Variants in ADGRA1 observed in about 807,000 individuals in gnomAD.
ADGRA1 encodes G-protein coupled receptor 123.
Under a neutral mutation model 21.3 loss-of-function variants are expected in ADGRA1, and 12 were observed. The observed-to-expected ratio is 0.56, with a 90% CI of 0.36 to 0.91. ADGRA1 has a LOEUF of 0.91. ADGRA1 is among the 40% of genes least tolerant of loss of function. The probability of loss-of-function intolerance (pLI) is 0.01; values close to 1 mark genes in which losing one functional copy is unlikely to be tolerated. For synonymous variants in ADGRA1, 385 were observed against 368.8 expected (o/e 1.04, Z -0.50); for missense variants, 790 against 805.6 (o/e 0.98, Z 0.23).
intron 5 of ADGRA1, 35 bp from the exon 6 acceptor site, chr10:133,127,198 G>T (rs771080517): frequency 1.4e-6 from 2 of 1,428,576 alleles, no homozygotes; most frequent in East Asian, 2.6e-5. Flanking sequence ...TGCAGGCGGC[G>T]TCTGCAAGGG....
chr10:133,102,248 C>T (rs773935900), intron 4 of ADGRA1: 4 of 472,748 alleles, frequency 8.5e-6, no homozygotes, highest in South Asian at 6.1e-5. Context: ...ATGCCGTCCC[C>T]GTGGGGGGCT....
intron 5 of ADGRA1, among the ~76,000 whole-genome samples, chr10:133,124,239 C>G (rs912175702): frequency 1.3e-5 from 2 of 151,830 alleles, no homozygotes; most frequent in Admixed American, 1.3e-4. Flanking sequence ...AAGCCACCCT[C>G]TTGGGCTCTG....
At chr10:133,091,030 G>A (rs1851588824) in intron 2 of ADGRA1, among the ~76,000 whole-genome samples, 4 of 152,244 alleles carry the variant, frequency 2.6e-5, no homozygotes, top group Admixed American at 2.6e-4. Context: ...CGTCACCACT[G>A]TTAACGAGCA....
intron 5 of ADGRA1, among the ~76,000 whole-genome samples, chr10:133,110,589 A>C (rs1014634223): frequency 2.6e-5 from 4 of 152,258 alleles, no homozygotes; most frequent in African/African-American, 9.6e-5. Flanking sequence ...ATTTCTAACT[A>C]TATGAGTGAG....
intron 5 of ADGRA1, among the ~76,000 whole-genome samples, chr10:133,103,472 T>G (rs1295822966): frequency 6.6e-6 from 1 of 152,134 alleles, no homozygotes; most frequent in Non-Finnish European, 1.5e-5. Context: ...GATGGGACAC[T>G]CGCCCTCCCC....
At chr10:133,100,902 G>C (rs923700330) in intron 4 of ADGRA1, among the ~76,000 whole-genome samples, 1 of 152,222 alleles carries the variant, frequency 6.6e-6, no homozygotes, top group African/African-American at 2.4e-5. Context: ...GTGACGCCAG[G>C]CTCGGGAAGC....
rs1289931174 is a variant in ADGRA1, at chr10:133,102,822, C to T, written c.381C>T (p.Tyr127=). Residue 127 remains tyrosine, a synonymous_variant, in exon 5 of 7, where the codon TAC becomes TAT. Coordinates refer to ENST00000392607, the MANE Select transcript of ADGRA1 (RefSeq NM_001083909.3). ...PLCLDTDQPP[Y]PRQPLLRFYL... ...GCCTGGACACAGACCAGCCACCGTA[C>T]CCCAGGCAGCCCCTGCTCAGGTACT... 6.2e-7 allele frequency: 1 copy of T among 1,611,532 alleles called. No individual in the cohort carries two copies.
intron 5 of ADGRA1, among the ~76,000 whole-genome samples, chr10:133,114,696 A>T (rs1005331318): frequency 1.3e-5 from 2 of 152,192 alleles, no homozygotes; most frequent in Non-Finnish European, 2.9e-5. Flanking sequence ...TCTCAACCTC[A>T]TTTCTCGGAA....
intron 5 of ADGRA1, among the ~76,000 whole-genome samples, chr10:133,122,694 T>A (rs1387048143): frequency 1.3e-5 from 2 of 152,194 alleles, no homozygotes; most frequent in African/African-American, 4.8e-5. Context: ...GAAACTGTGG[T>A]CACGACCCGC....
At chr10:133,117,919 C>A (rs528390851) in intron 5 of ADGRA1, among the ~76,000 whole-genome samples, 3 of 152,228 alleles carry the variant, frequency 2.0e-5, no homozygotes, top group African/African-American at 7.2e-5. Flanking sequence ...CCTTTGCCCA[C>A]GTGCTGGTCG....
chr10:133,088,877 C>T lies in ADGRA1; in HGVS notation c.-33C>T. On this transcript the variant is annotated 5_prime_UTR_variant, in exon 2 of 7. Coordinates refer to ENST00000392607, the MANE Select transcript of ADGRA1 (RefSeq NM_001083909.3). ...GCCTCCCCCTGGACGCCTCCTCCAG[C>T]GGCGCTCACGCTTCCGCAACTTTGC... 8.1e-7 allele frequency: 1 copy of T among 1,238,636 alleles called. No homozygotes were observed. The highest frequency in any genetic ancestry group is 1.0e-6 in the Non-Finnish European group (1 of 988,466). 76.7% of individuals were successfully genotyped at this position (1,238,636 alleles called of 1,614,324 possible). A position where few individuals can be genotyped will look rare whatever the true frequency, so the allele number is the denominator to read the frequency against.
intron 5 of ADGRA1, among the ~76,000 whole-genome samples, chr10:133,104,774 C>T (rs905954064): frequency 6.6e-6 from 1 of 152,168 alleles, no homozygotes; most frequent in African/African-American, 2.4e-5. Context: ...AGCCTGTGCA[C>T]CCCTGAGGCA....
chr10:133,090,237 C>T (rs1851575432), intron 2 of ADGRA1, among the ~76,000 whole-genome samples: 1 of 152,212 alleles, frequency 6.6e-6, no homozygotes. Flanking sequence ...AAGAAGGGCA[C>T]CACCCCTCGC....
At position 133,102,681 on chromosome 10, in the gene ADGRA1, C is replaced by A. The variant is rs538656795; in HGVS notation, c.256-16C>A. Reference sequence around the variant, plus strand: ...GGTGCCCGCCAAGGGCCTGGCTGACCGCTGCTCCCCCACAGGTGGGCATCG... The same window carrying A: ...GGTGCCCGCCAAGGGCCTGGCTGACAGCTGCTCCCCCACAGGTGGGCATCG... On this transcript the variant is annotated splice_polypyrimidine_tract_variant and intron_variant, in intron 4 of 6. Coordinates refer to ENST00000392607, the MANE Select transcript of ADGRA1 (RefSeq NM_001083909.3). The A allele has an allele frequency of 3.8e-6, 6 of 1,590,558 alleles. No individual in the cohort carries two copies. Among genetic ancestry groups the A allele is most frequent in the Non-Finnish European group, 5.2e-6 (6 of 1,163,596 alleles).
intron 5 of ADGRA1, among the ~76,000 whole-genome samples, chr10:133,110,435 G>C (rs756182127): frequency 8.6e-5 from 13 of 151,568 alleles, no homozygotes; most frequent in Non-Finnish European, 1.5e-4. Flanking sequence ...CCTGCACACA[G>C]AGCAGCCTTA....
chr10:133,124,932 G>A (rs531851899), intron 5 of ADGRA1, among the ~76,000 whole-genome samples: 7 of 152,338 alleles, frequency 4.6e-5, no homozygotes, highest in South Asian at 2.1e-4. Context: ...GCCCTCTGCC[G>A]GCTCACCGGG....
At chr10:133,112,875 T>G (rs1591181050) in intron 5 of ADGRA1, among the ~76,000 whole-genome samples, 1 of 148,120 alleles carries the variant, frequency 6.8e-6, no homozygotes, top group East Asian at 2.0e-4. Context: ...GTCGGTTATT[T>G]GGGGTCTGCG....
At position 133,111,977 on chromosome 10, in the gene ADGRA1, G is replaced by A. The variant is rs372386405; in HGVS notation, c.401+9135G>A. ...CCTCCAGACCACCTGCCCACCACAG[G>A]CACCTCCCTCCTAATGCCTCCAGAC... On this transcript the variant is annotated intron_variant, in intron 5 of 6. Coordinates refer to ENST00000392607, the MANE Select transcript of ADGRA1 (RefSeq NM_001083909.3). Among the ~76,000 whole-genome samples the A allele has an allele frequency of 7.6e-3, 378 of 49,614 alleles. 40 individuals carry two copies. Among genetic ancestry groups the A allele is most frequent in the Non-Finnish European group, 9.0e-3 (229 of 25,372 alleles). The allele number at this position is 49,614 out of a possible 152,430, so 32.5% of individuals were successfully genotyped here.
rs1024904181 is a variant in ADGRA1 at position 133,098,666 on chromosome 10, G to A, written c.158G>A (p.Arg53Gln). The A allele has an allele frequency of 1.9e-5, 30 of 1,610,634 alleles. No individual in the cohort carries two copies. Among genetic ancestry groups the A allele is most frequent in the Non-Finnish European group, 2.3e-5 (27 of 1,179,908 alleles). The change falls in exon 4 of 7, where the codon CGG becomes CAG. Residue 53 changes from arginine to glutamine, a missense_variant. Transcript: ENST00000392607. Reference protein sequence around the residue: ...QSAIRISRKGRHTLLNFCFHA... With the variant: ...QSAIRISRKGQHTLLNFCFHA... ...GCCATCCGCATCAGCCGCAAGGGCCGGCACACGCTCCTGAATTTCTGCTTC... is the reference window on the plus strand; with the variant it reads ...GCCATCCGCATCAGCCGCAAGGGCCAGCACACGCTCCTGAATTTCTGCTTC...
Sources: allele counts gnomAD v4.1 joint callset (sites outside exome capture counted in the v4.1 genomes callset), GRCh38; gene constraint gnomAD v4.1.1; transcripts MANE v1.5; gene names NCBI Gene and HGNC (gene_info 2026-07-23, HGNC 2026-07-21).